HNF4G: variants seen among roughly 807,000 people sequenced by gnomAD.
The protein encoded by HNF4G is hepatocyte nuclear factor 4 gamma.
In HNF4G, 21 loss-of-function variants were observed where a neutral mutation model predicts 50.9. That is an observed-to-expected ratio of 0.41 (90% CI 0.29 to 0.59). The LOEUF is 0.59. HNF4G is among the 20% of genes least tolerant of loss of function. The probability of loss-of-function intolerance (pLI) is 0.26; values close to 1 mark genes in which losing one functional copy is unlikely to be tolerated. For missense variants in HNF4G, 527 were observed against 559.4 expected (o/e 0.94, Z 0.58); for synonymous variants, 198 against 185.6 (o/e 1.07, Z -0.54).
intron 9 of HNF4G, among the ~76,000 whole-genome samples, chr8:75,562,324 A>G (rs2943612): frequency 0.63 from 96,381 of 151,818 alleles, 32,097 homozygotes; most frequent in African/African-American, 0.84. Context: ...ATATATGAGA[A>G]AGAGAAAGAA....
intron 2 of HNF4G, among the ~76,000 whole-genome samples, chr8:75,528,591 T>C (rs1806242904): frequency 6.6e-6 from 1 of 152,196 alleles, no homozygotes; most frequent in Admixed American, 6.5e-5. Flanking sequence ...AGTCATTTAA[T>C]TCTAAGCTGT....
intron 2 of HNF4G, among the ~76,000 whole-genome samples, chr8:75,526,768 TC>T (rs1047596633): frequency 5.0e-5 from 6 of 119,804 alleles, no homozygotes; most frequent in African/African-American, 9.9e-5. Context: ...TAACAAGCAT[TC>T]TTTTTTTTTT....
At chr8:75,475,222 A>T (rs1812215048) in intron 1 of HNF4G, among the ~76,000 whole-genome samples, 1 of 151,256 alleles carries the variant, frequency 6.6e-6, no homozygotes, top group African/African-American at 2.4e-5. Flanking sequence ...GTTGGCCAGG[A>T]TGGTCTCAAT....
intron 2 of HNF4G, among the ~76,000 whole-genome samples, chr8:75,509,767 A>G (rs573749898): frequency 7.9e-5 from 12 of 152,302 alleles, no homozygotes; most frequent in African/African-American, 2.6e-4. Flanking sequence ...GGGGCAATGC[A>G]TTATTCACAT....
intron 1 of HNF4G, among the ~76,000 whole-genome samples, chr8:75,441,528 A>T (rs1811286135): frequency 6.6e-6 from 1 of 152,160 alleles, no homozygotes; most frequent in South Asian, 2.1e-4. Context: ...TACAGATGTG[A>T]GCCACCATGC....
intron 9 of HNF4G, 126 bp from the exon 10 acceptor site, chr8:75,563,849 A>G: frequency 9.9e-7 from 1 of 1,010,480 alleles, no homozygotes; most frequent in Non-Finnish European, 1.4e-6. Context: ...ACAAATCACT[A>G]TTCTGTGTAG....
chr8:75,409,775 C>T (rs1374734503), intron 1 of HNF4G, among the ~76,000 whole-genome samples: 6 of 152,062 alleles, frequency 3.9e-5, no homozygotes, highest in Non-Finnish European at 8.8e-5. Context: ...GAGTGAGCCA[C>T]CCCACCCGGC....
intron 1 of HNF4G, among the ~76,000 whole-genome samples, chr8:75,413,980 A>T (rs1458275124): frequency 6.6e-6 from 1 of 152,184 alleles, no homozygotes; most frequent in Non-Finnish European, 1.5e-5. Context: ...AGGTTAAGAA[A>T]TTAAATATAA....
chr8:75,430,465 G>A lies in HNF4G; in HGVS notation c.-144+22303G>A, dbSNP rs999966098. Among the ~76,000 whole-genome samples the A allele has an allele frequency of 5.5e-5, 8 of 146,260 alleles. No individual in the cohort carries two copies. The Admixed American group carries it at 5.5e-4, about 10-fold the overall frequency. ...TAAATAAGCAAATAAAAGAGACGGG[G>A]GTAGGGAGTAGAGAGAGAGAGAGAG... is the stretch of plus-strand genomic sequence containing the variant. On this transcript the variant is annotated intron_variant, in intron 1 of 10. Coordinates refer to the HNF4G transcript ENST00000354370.
chr8:75,411,239 A>G (rs1011333393), intron 1 of HNF4G, among the ~76,000 whole-genome samples: 4 of 152,234 alleles, frequency 2.6e-5, no homozygotes, highest in African/African-American at 9.6e-5. Context: ...CTAACTGAGC[A>G]GAGGAACGGT....
intron 2 of HNF4G, among the ~76,000 whole-genome samples, chr8:75,530,467 C>G (rs1371065815): frequency 1.3e-5 from 2 of 151,400 alleles, no homozygotes; most frequent in African/African-American, 2.4e-5. Flanking sequence ...ACCCAGCAGC[C>G]AGAGAAAGGA....
intron 1 of HNF4G, among the ~76,000 whole-genome samples, chr8:75,451,130 CT>C (rs889096775): frequency 6.6e-6 from 1 of 150,992 alleles, no homozygotes; most frequent in Non-Finnish European, 1.5e-5. Flanking sequence ...ATGTGTATGC[CT>C]TTTTTTTTGA....
chr8:75,469,231 G>A (rs902225863), intron 1 of HNF4G, among the ~76,000 whole-genome samples: 1 of 152,100 alleles, frequency 6.6e-6, no homozygotes, highest in Non-Finnish European at 1.5e-5. Flanking sequence ...ATGTTCATTC[G>A]CATTTCCTTA....
At chr8:75,550,913 C>G (rs925828774) in intron 3 of HNF4G, among the ~76,000 whole-genome samples, 22 of 151,990 alleles carry the variant, frequency 1.4e-4, no homozygotes, top group Admixed American at 6.6e-5. Flanking sequence ...TATTGCAATC[C>G]TAAAATCATC....
chr8:75,449,788 T>C lies in HNF4G; in HGVS notation c.-143-40301T>C, dbSNP rs553793998. Among the ~76,000 whole-genome samples the C allele has an allele frequency of 6.2e-4, 94 of 152,298 alleles. 1 individual carries two copies. The highest frequency in any genetic ancestry group is 1.1e-3 in the Non-Finnish European group (72 of 68,030). Reference sequence around the variant, plus strand: ...TCCCAAAGTGCTGGGATTACAGGCATGAGCCACCGCGCCCGGCCTATCTCA... The same window carrying C: ...TCCCAAAGTGCTGGGATTACAGGCACGAGCCACCGCGCCCGGCCTATCTCA... On this transcript the variant is annotated intron_variant, in intron 1 of 10. Coordinates refer to the HNF4G transcript ENST00000354370.
chr8:75,483,308 T>C (rs1471847457), intron 1 of HNF4G, among the ~76,000 whole-genome samples: 1 of 152,210 alleles, frequency 6.6e-6, no homozygotes, highest in African/African-American at 2.4e-5. Context: ...TTACTTTCTC[T>C]TTTCAATGCA....
At chr8:75,542,821 T>C (rs1409212545) in intron 1 of HNF4G, among the ~76,000 whole-genome samples, 1 of 152,176 alleles carries the variant, frequency 6.6e-6, no homozygotes, top group Non-Finnish European at 1.5e-5. Context: ...GATAGCAGGC[T>C]GTTGCCATAA....
rs746600100 is a variant in HNF4G, at chr8:75,560,456, A to G, written c.1236A>G (p.Ala412=). The change falls in exon 9 of 10, where the codon GCA becomes GCG. Residue 412 remains alanine (A), a synonymous_variant. Coordinates refer to ENST00000396423, the MANE Select transcript of HNF4G (RefSeq NM_004133.5). ...GTCCCATGTCAACACTGGTTCATGC[A>G]GACCAGATCTGTAAGTTTATAGACT... ...LLGPMSTLVH[A]DQISTPETPL... 1.9e-6 allele frequency: 3 copies of G among 1,611,194 alleles called. No homozygotes were observed. The highest frequency in any genetic ancestry group is 2.5e-6 in the Non-Finnish European group (3 of 1,178,786).
intron 3 of HNF4G, among the ~76,000 whole-genome samples, chr8:75,549,771 C>T (rs934183809): frequency 6.6e-6 from 1 of 151,926 alleles, no homozygotes; most frequent in Non-Finnish European, 1.5e-5. Flanking sequence ...CCCCCTACCC[C>T]ACAACAGTCC....
Sources: allele counts gnomAD v4.1 joint callset (sites outside exome capture counted in the v4.1 genomes callset), GRCh38; gene constraint gnomAD v4.1.1; transcripts MANE v1.5; gene names NCBI Gene and HGNC (gene_info 2026-07-23, HGNC 2026-07-21).